The following KIAA1549L variants were observed in gnomAD, a reference collection of about 807,000 sequenced individuals.
KIAA1549L encodes the protein KIAA1549 like, also known as UPF0606 protein KIAA1549L.
A neutral mutation model predicts 160.7 loss-of-function variants in KIAA1549L; 88 were observed. The observed-to-expected ratio is 0.55, with a 90% CI of 0.46 to 0.65. The LOEUF (loss-of-function observed/expected upper bound fraction) is 0.65. Ranked by LOEUF, KIAA1549L falls within the 30% of genes least tolerant of loss-of-function variation. The probability of loss-of-function intolerance (pLI) is 0.00; values close to 1 mark genes in which losing one functional copy is unlikely to be tolerated. For synonymous variants in KIAA1549L, 950 were observed against 976.7 expected (o/e 0.97, Z 0.51); for missense variants, 2,258 against 2,437.5 (o/e 0.93, Z 1.55).
At chr11:33,389,339 G>T (rs1024377275) in intron 1 of KIAA1549L, among the ~76,000 whole-genome samples, 1 of 152,202 alleles carries the variant, frequency 6.6e-6, no homozygotes, top group Non-Finnish European at 1.5e-5. Context: ...AAGAAAATGT[G>T]TTGAAATTGA....
In KIAA1549L at chr11:33,658,904, C is replaced by A; in HGVS notation, c.6007+6C>A. ...GTCGGCTTTAAATTACTCAGGTGGG[C>A]AAGAGAAAAGCCCGAGTGTGCCCCC... On this transcript the variant is annotated splice_donor_region_variant and intron_variant, in intron 19 of 20. Coordinates refer to ENST00000658780, the MANE Select transcript of KIAA1549L (RefSeq NM_012194.3). 6.5e-7 allele frequency: 1 copy of A among 1,544,866 alleles called. No homozygotes were observed.
chr11:33,381,484 A>G (rs1265772885), intron 1 of KIAA1549L, among the ~76,000 whole-genome samples: 1 of 152,168 alleles, frequency 6.6e-6, no homozygotes, highest in Admixed American at 6.5e-5. Context: ...AGGAATGCCA[A>G]TGTAGAATTG....
At chr11:33,636,396 T>C (rs898171444) in intron 16 of KIAA1549L, among the ~76,000 whole-genome samples, 1 of 150,078 alleles carries the variant, frequency 6.7e-6, no homozygotes, top group Non-Finnish European at 1.5e-5. Flanking sequence ...TCACCCAGGC[T>C]GGATTGCATT....
intron 1 of KIAA1549L, among the ~76,000 whole-genome samples, chr11:33,406,928 T>C (rs753010987): frequency 3.3e-5 from 5 of 152,152 alleles, no homozygotes; most frequent in Non-Finnish European, 5.9e-5. Flanking sequence ...AGGTGTAATG[T>C]TCACGATTCC....
rs2133348744 is a variant in KIAA1549L, at chr11:33,617,941, A to AGGTG, written c.5280-582_5280-579dup. Among the ~76,000 whole-genome samples the AGGTG allele has an allele frequency of 2.0e-5, 3 of 152,102 alleles. No homozygotes were observed. In the South Asian group the frequency reaches 6.3e-4, roughly 32 times the overall value. ...CGGATGGATGGATGGATGGATGGAT[A>AGGTG]GGTGGGTGGGTGGATGTGAGGGTGG... On this transcript the variant is annotated intron_variant, in intron 15 of 20. Coordinates refer to ENST00000658780, the MANE Select transcript of KIAA1549L (RefSeq NM_012194.3).
intron 1 of KIAA1549L, among the ~76,000 whole-genome samples, chr11:33,429,261 C>G (rs1321682686): frequency 6.6e-6 from 1 of 152,196 alleles, no homozygotes; most frequent in East Asian, 1.9e-4. Context: ...TGTGAGCCAC[C>G]GTTCCCAGCC....
chr11:33,662,624 A>G (rs1852304659), intron 20 of KIAA1549L, among the ~76,000 whole-genome samples: 1 of 152,188 alleles, frequency 6.6e-6, no homozygotes, highest in African/African-American at 2.4e-5. Flanking sequence ...GATGATGTTT[A>G]ACTTGAACTA....
At chr11:33,647,649 A>G (rs1394890008) in intron 17 of KIAA1549L, among the ~76,000 whole-genome samples, 1 of 152,184 alleles carries the variant, frequency 6.6e-6, no homozygotes, top group African/African-American at 2.4e-5. Context: ...TGCCTTGTGC[A>G]TGTATAGATG....
At chr11:33,434,014 C>G (rs1043164565) in intron 1 of KIAA1549L, among the ~76,000 whole-genome samples, 1 of 151,724 alleles carries the variant, frequency 6.6e-6, no homozygotes, top group African/African-American at 2.4e-5. Flanking sequence ...ACATGTATAC[C>G]CATGTAACCT....
At chr11:33,599,115 G>A in intron 13 of KIAA1549L, 168 bp downstream of exon 13, 1 of 640,150 alleles carries the variant, frequency 1.6e-6, no homozygotes, top group Non-Finnish European at 2.6e-6. Flanking sequence ...TACCCCTTGG[G>A]TTCTCACCTT....
At chr11:33,483,012 A>G (rs1402111774) in intron 1 of KIAA1549L, among the ~76,000 whole-genome samples, 3 of 151,582 alleles carry the variant, frequency 2.0e-5, no homozygotes, top group East Asian at 1.9e-4. Flanking sequence ...GCTGTTCCCT[A>G]TCTCCTCCCA....
intron 17 of KIAA1549L, among the ~76,000 whole-genome samples, chr11:33,647,786 C>G (rs574281747): frequency 1.7e-3 from 73 of 42,792 alleles, no homozygotes; most frequent in Middle Eastern, 9.3e-3. Flanking sequence ...TTTGTAAAAC[C>G]ATCTAAAAAA....
chr11:33,569,914 A>G (rs1166896379), intron 9 of KIAA1549L, among the ~76,000 whole-genome samples: 1 of 152,168 alleles, frequency 6.6e-6, no homozygotes. Context: ...GGGCCACCCT[A>G]CAACCCTGGT....
intron 5 of KIAA1549L, among the ~76,000 whole-genome samples, chr11:33,551,577 T>C (rs1297710847): frequency 7.8e-6 from 1 of 127,564 alleles, no homozygotes; most frequent in Non-Finnish European, 1.6e-5. Flanking sequence ...TAGTTGAACA[T>C]GCAAAAAAAA....
intron 1 of KIAA1549L, among the ~76,000 whole-genome samples, chr11:33,497,078 C>T (rs1852837949): frequency 6.6e-6 from 1 of 152,142 alleles, no homozygotes; most frequent in African/African-American, 2.4e-5. Context: ...CTTCGAGAAG[C>T]CTTCCCTGGC....
intron 4 of KIAA1549L, among the ~76,000 whole-genome samples, chr11:33,549,403 T>A (rs1420503585): frequency 6.6e-6 from 1 of 152,220 alleles, no homozygotes; most frequent in Non-Finnish European, 1.5e-5. Flanking sequence ...GTTAGAGAGA[T>A]GTTAAAAGCA....
At chr11:33,646,875 A>T (rs183592272) in intron 17 of KIAA1549L, among the ~76,000 whole-genome samples, 1 of 152,288 alleles carries the variant, frequency 6.6e-6, no homozygotes, top group East Asian at 1.9e-4. Flanking sequence ...CATTGCAATA[A>T]CCATTCCCAA....
chr11:33,661,695 C>G (rs1852265422), intron 20 of KIAA1549L, among the ~76,000 whole-genome samples: 1 of 151,976 alleles, frequency 6.6e-6, no homozygotes, highest in Non-Finnish European at 1.5e-5. Flanking sequence ...GCCTGGCAAA[C>G]ATGGTGAAAC....
intron 1 of KIAA1549L, among the ~76,000 whole-genome samples, chr11:33,509,915 C>G (rs906387982): frequency 1.3e-5 from 2 of 152,112 alleles, no homozygotes; most frequent in African/African-American, 2.4e-5. Flanking sequence ...CCTTTAGGGA[C>G]TCATTTCTCT....
Sources: allele counts gnomAD v4.1 joint callset (sites outside exome capture counted in the v4.1 genomes callset), GRCh38; gene constraint gnomAD v4.1.1; transcripts MANE v1.5; gene names NCBI Gene and HGNC (gene_info 2026-07-23, HGNC 2026-07-21).